Variants in CADPS observed in about 807,000 individuals in gnomAD.
CADPS encodes calcium-dependent secretion activator 1.
In CADPS, 57 loss-of-function variants were observed where a neutral mutation model predicts 167.3. The observed-to-expected ratio is 0.34, with a 90% CI of 0.28 to 0.42. The LOEUF is 0.42. Ranked by LOEUF, CADPS falls within the 20% of genes least tolerant of loss-of-function variation. The probability of loss-of-function intolerance (pLI) is 1.00; values close to 1 mark genes in which losing one functional copy is unlikely to be tolerated. For missense variants in CADPS, 1,414 were observed against 1,738.1 expected, an observed-to-expected ratio of 0.81 and a Z score of 3.32; for synonymous variants, 676 against 635.3, an observed-to-expected ratio of 1.06 and a Z score of -0.96.
intron 8 of CADPS, among the ~76,000 whole-genome samples, chr3:62,581,558 G>A (rs1300118275): frequency 2.0e-5 from 3 of 151,948 alleles, no homozygotes; most frequent in Admixed American, 6.6e-5. Flanking sequence ...GTACATGGCT[G>A]TAGTCCCAGC....
At chr3:62,542,592 T>C (rs1478497540) in intron 11 of CADPS, among the ~76,000 whole-genome samples, 1 of 152,088 alleles carries the variant, frequency 6.6e-6, no homozygotes, top group African/African-American at 2.4e-5. Context: ...GAGGCACAAA[T>C]GGACCACTTA....
intron 7 of CADPS, among the ~76,000 whole-genome samples, chr3:62,591,660 C>T (rs569024152): frequency 6.6e-6 from 1 of 152,146 alleles, no homozygotes; most frequent in Non-Finnish European, 1.5e-5. Flanking sequence ...GAAAATATTA[C>T]TGGCTTCTTG....
intron 26 of CADPS, among the ~76,000 whole-genome samples, chr3:62,460,410 C>T (rs767896759): frequency 3.9e-5 from 6 of 152,156 alleles, no homozygotes; most frequent in Non-Finnish European, 7.3e-5. Context: ...GAACCAAAAC[C>T]TCTGTCTGCA....
intron 24 of CADPS, among the ~76,000 whole-genome samples, chr3:62,473,004 T>G (rs2060809254): frequency 6.6e-6 from 1 of 152,202 alleles, no homozygotes; most frequent in African/African-American, 2.4e-5. Flanking sequence ...CAGACCTATC[T>G]GAAATTCTTG....
At chr3:62,501,431 AT>A (rs1225169821) in intron 17 of CADPS, among the ~76,000 whole-genome samples, 2 of 152,126 alleles carry the variant, frequency 1.3e-5, no homozygotes, top group Non-Finnish European at 2.9e-5. Context: ...ACAGGCTACT[AT>A]TTTTTGTTCG....
intron 3 of CADPS, among the ~76,000 whole-genome samples, chr3:62,742,213 T>C (rs1195631033): frequency 6.6e-6 from 1 of 152,114 alleles, no homozygotes; most frequent in Non-Finnish European, 1.5e-5. Context: ...AAGCAATTTA[T>C]AGATTCAATG....
intron 3 of CADPS, among the ~76,000 whole-genome samples, chr3:62,750,692 C>T (rs1206630967): frequency 1.3e-5 from 2 of 152,162 alleles, no homozygotes; most frequent in South Asian, 2.1e-4. Flanking sequence ...TTTGCCTGTC[C>T]AGTACCTTTT....
intron 6 of CADPS, among the ~76,000 whole-genome samples, chr3:62,644,035 T>C (rs1208881238): frequency 6.6e-6 from 1 of 152,176 alleles, no homozygotes; most frequent in Non-Finnish European, 1.5e-5. Context: ...CTCATTAATT[T>C]CTCCCAGCTT....
intron 13 of CADPS, among the ~76,000 whole-genome samples, chr3:62,529,903 G>A (rs945452221): frequency 6.6e-6 from 1 of 152,148 alleles, no homozygotes; most frequent in Non-Finnish European, 1.5e-5. Context: ...AAATGTCAGT[G>A]TTAATTTTGG....
At chr3:62,481,943 T>C (rs535406453) in intron 21 of CADPS, 74 bp from the exon 22 acceptor site, 19 of 1,437,098 alleles carry the variant, frequency 1.3e-5, no homozygotes, top group Admixed American at 1.3e-4. Flanking sequence ...CACACGACAA[T>C]TGTAAATAAA....
At chr3:62,784,925 G>T (rs2092264009) in intron 1 of CADPS, among the ~76,000 whole-genome samples, 1 of 152,148 alleles carries the variant, frequency 6.6e-6, no homozygotes, top group African/African-American at 2.4e-5. Flanking sequence ...CTGAATATTT[G>T]AGGATATTAA....
chr3:62,493,656 C>A lies in CADPS; in HGVS notation c.2716G>T (p.Asp906Tyr). Reference sequence around the variant, plus strand: ...TTCACTTTACTTACTTCTCCTTTATCAACATGTGGCTGGTTTGCAAATTAA... The same window carrying A: ...TTCACTTTACTTACTTCTCCTTTATAAACATGTGGCTGGTTTGCAAATTAA... ...NEEHHAEPHV[D>Y]KGEAFAWWSD... Residue 906 changes from aspartate (D) to tyrosine (Y), a missense_variant, in exon 19 of 30, where the codon GAT becomes TAT. Physicochemically the swap from Asp to Tyr is radical, Grantham distance 160. This residue lies in a region of CADPS where 529 missense variants were observed against 629.6 expected (regional missense o/e 0.84). Transcript: ENST00000383710. 1 of 1,555,762 alleles carries A rather than the reference C, an allele frequency of 6.4e-7. No homozygotes were observed. The highest frequency in any genetic ancestry group is 8.7e-7 in the Non-Finnish European group (1 of 1,148,420).
At chr3:62,735,793 T>C (rs909952206) in intron 3 of CADPS, among the ~76,000 whole-genome samples, 21 of 152,282 alleles carry the variant, frequency 1.4e-4, no homozygotes, top group African/African-American at 5.1e-4. Flanking sequence ...GGGCTGAATA[T>C]GAATGTGTTG....
intron 1 of CADPS, among the ~76,000 whole-genome samples, chr3:62,871,387 A>G (rs2082603814): frequency 1.3e-5 from 2 of 152,140 alleles, no homozygotes; most frequent in Non-Finnish European, 2.9e-5. Flanking sequence ...CATAGTGACT[A>G]TATTTGATGG....
At chr3:62,642,054 C>A (rs1431934779) in intron 6 of CADPS, among the ~76,000 whole-genome samples, 2 of 150,060 alleles carry the variant, frequency 1.3e-5, no homozygotes, top group Admixed American at 6.6e-5. Context: ...TTCCAAATAA[C>A]ATACTCTTAG....
intron 26 of CADPS, among the ~76,000 whole-genome samples, chr3:62,450,017 A>G (rs549725389): frequency 1.3e-5 from 2 of 152,294 alleles, no homozygotes; most frequent in South Asian, 4.2e-4. Context: ...AGCTGTGCTT[A>G]TCATCATTAC....
At chr3:62,738,539 C>A (rs371611878) in intron 3 of CADPS, among the ~76,000 whole-genome samples, 26 of 152,172 alleles carry the variant, frequency 1.7e-4, no homozygotes, top group South Asian at 1.5e-3. Flanking sequence ...GCCTGGCCAA[C>A]ATGGTGAAAC....
At chr3:62,742,212 A>G (rs564004998) in intron 3 of CADPS, among the ~76,000 whole-genome samples, 2 of 152,340 alleles carry the variant, frequency 1.3e-5, no homozygotes, top group South Asian at 2.1e-4. Context: ...AAAGCAATTT[A>G]TAGATTCAAT....
rs760145630 is a variant in CADPS, at chr3:62,754,981, CCTT to C, written c.556-1211_556-1209del. 3.9e-5 allele frequency among the ~76,000 whole-genome samples: 6 copies of C among 152,178 alleles called. No individual in the cohort carries two copies. The East Asian group carries it at 9.6e-4, about 24-fold the overall frequency. ...AACTCTACTTGGGCAAGGAACGTGTCCTTCTTGTTCCTCACAATGTCTTCAGGT... is the reference window on the plus strand; with the variant it reads ...AACTCTACTTGGGCAAGGAACGTGTCCTTGTTCCTCACAATGTCTTCAGGT... On this transcript the variant is annotated intron_variant, in intron 2 of 29. Coordinates refer to ENST00000383710, the MANE Select transcript of CADPS (RefSeq NM_003716.4).
Sources: gnomAD v4.1 joint callset for allele counts (sites outside exome capture counted in the v4.1 genomes callset) on GRCh38, gnomAD v4.1.1 for gene constraint, gnomAD v4.1.1 regional missense constraint, MANE v1.5 for transcripts, NCBI Gene and HGNC (gene_info 2026-07-23, HGNC 2026-07-21) for gene names.